DPEP2NB: variants seen among roughly 807,000 people sequenced by gnomAD.
DPEP2NB encodes DPEP2 neighbor.
For synonymous variants in DPEP2NB, 35 were observed against 55.3 expected (o/e 0.63, Z 1.63); for missense variants, 117 against 151.8 (o/e 0.77, Z 1.21).
intron 1 of DPEP2NB, 106 bp from the exon 2 acceptor site, chr16:68,014,518 C>G: frequency 1.4e-6 from 1 of 707,644 alleles, no homozygotes; most frequent in Non-Finnish European, 2.0e-6. Flanking sequence ...TTCTTCGCAT[C>G]CCAGACACAG....
chr16:68,014,547 A>G (rs968632541), intron 1 of DPEP2NB, 135 bp from the exon 2 acceptor site: 3 of 494,960 alleles, frequency 6.1e-6, no homozygotes, highest in Non-Finnish European at 9.5e-6. Flanking sequence ...TATCACCTCT[A>G]TGTGTCCCTG....
Position 68,014,002 on chromosome 16 carries a change from G to C in DPEP2NB, c.*106C>G. The stretch of plus-strand genomic sequence containing the variant: ...GGGCTTCTGGATGAGGAAGGCATAG[G>C]CAGAATGACTCAGGCTCTATCTGCA... On this transcript the variant is annotated 3_prime_UTR_variant, in exon 2 of 2. Transcript: ENST00000574912. The C allele has an allele frequency of 1.1e-6, 1 of 890,012 alleles. No individual in the cohort carries two copies. Among genetic ancestry groups the C allele is most frequent in the South Asian group, 5.9e-5 (1 of 16,812 alleles). The allele number at this position is 890,012 out of a possible 1,614,324, so 55.1% of individuals were successfully genotyped here.
Position 68,014,081 on chromosome 16 carries a change from A to G in DPEP2NB, c.*27T>C. On this transcript the variant is annotated 3_prime_UTR_variant, in exon 2 of 2. Transcript: ENST00000574912. ...GAGGCATTAGCTGTCTTAGACAGCTAAACATTTGTCCTTTCTCCCAAATGG... is the reference window on the plus strand; with the variant it reads ...GAGGCATTAGCTGTCTTAGACAGCTGAACATTTGTCCTTTCTCCCAAATGG... The G allele has an allele frequency of 8.9e-6, 11 of 1,231,462 alleles. No homozygotes were observed. Among genetic ancestry groups the G allele is most frequent in the Non-Finnish European group, 1.1e-5 (11 of 987,728 alleles). The allele number at this position is 1,231,462 out of a possible 1,614,324, so 76.3% of individuals were successfully genotyped here. A position where few individuals can be genotyped will look rare whatever the true frequency, so the allele number is the denominator to read the frequency against.
rs1362475797 is a variant in DPEP2NB at position 68,014,182 on chromosome 16, C to G, written c.298G>C (p.Gly100Arg). 8.1e-7 allele frequency: 1 copy of G among 1,231,574 alleles called. No individual in the cohort carries two copies. The highest frequency in any genetic ancestry group is 1.0e-6 in the Non-Finnish European group (1 of 987,986). 76.3% of individuals were successfully genotyped at this position (1,231,574 alleles called of 1,614,324 possible). A position where few individuals can be genotyped will look rare whatever the true frequency, so the allele number is the denominator to read the frequency against. Residue 100 changes from glycine to arginine, a missense_variant, in exon 2 of 2, where the codon GGT (glycine) becomes CGT (arginine). Coordinates refer to ENST00000574912, the MANE Select transcript of DPEP2NB (RefSeq NM_001282442.2). Reference sequence around the variant, plus strand: ...CGCCGAATTTTGGGGCTAGAGCAACCCAGGTCTTTATCTGACTCTATCGTA... The same window carrying G: ...CGCCGAATTTTGGGGCTAGAGCAACGCAGGTCTTTATCTGACTCTATCGTA... The part of the protein sequence containing the change: ...QATIESDKDL[G>R]CSSPKIRRLE...
rs2033151222 is a variant in DPEP2NB, at chr16:68,014,198, C to G, written c.282G>C (p.Glu94Asp). ...TAGAGCAACCCAGGTCTTTATCTGA[C>G]TCTATCGTAGCTTGACGTCTCTTGG... The part of the protein sequence containing the change: ...RAPKRRQATI[E>D]SDKDLGCSSP... Residue 94 changes from glutamate (E) to aspartate (D), a missense_variant, in exon 2 of 2, where the codon GAG (glutamate) becomes GAC (aspartate). Glu to Asp is a conservative substitution (Grantham distance 45). Transcript: ENST00000574912. 2.4e-6 allele frequency: 3 copies of G among 1,231,768 alleles called. No individual in the cohort carries two copies. Among genetic ancestry groups the G allele is most frequent in the Middle Eastern group, 6.2e-4 (2 of 3,210 alleles). 76.3% of individuals were successfully genotyped at this position (1,231,768 alleles called of 1,614,324 possible). A position where few individuals can be genotyped will look rare whatever the true frequency, so the allele number is the denominator to read the frequency against.
chr16:68,013,945 G>C lies in DPEP2NB; in HGVS notation c.*163C>G, dbSNP rs2033149416. Reference sequence around the variant, plus strand: ...CTCATTTTAAACCACAGTTTCTGAGGCTCCTTGGCCATGGGTAGTTAGCAT... The same window carrying C: ...CTCATTTTAAACCACAGTTTCTGAGCCTCCTTGGCCATGGGTAGTTAGCAT... On this transcript the variant is annotated 3_prime_UTR_variant, in exon 2 of 2. Coordinates refer to ENST00000574912, the MANE Select transcript of DPEP2NB (RefSeq NM_001282442.2). 2.0e-6 allele frequency: 1 copy of C among 489,508 alleles called. No individual in the cohort carries two copies. The highest frequency in any genetic ancestry group is 3.2e-6 in the Non-Finnish European group (1 of 310,308). The allele number at this position is 489,508 out of a possible 1,614,324, so 30.3% of individuals were successfully genotyped here. A position where few individuals can be genotyped will look rare whatever the true frequency, so the allele number is the denominator to read the frequency against.
In DPEP2NB at chr16:68,014,157, C is replaced by A; in HGVS notation, c.323G>T (p.Arg108Leu). The A allele has an allele frequency of 2.4e-6, 3 of 1,231,778 alleles. No homozygotes were observed. Among genetic ancestry groups the A allele is most frequent in the Non-Finnish European group, 3.0e-6 (3 of 987,992 alleles). The allele number at this position is 1,231,778 out of a possible 1,614,324, so 76.3% of individuals were successfully genotyped here. The change falls in exon 2 of 2, where the codon CGC (arginine) becomes CTC (leucine). Residue 108 changes from arginine (R) to leucine (L), a missense_variant. Arg to Leu is a moderately radical substitution (Grantham distance 102, BLOSUM62 -2). Transcript: ENST00000574912. The part of the protein sequence containing the change: ...DLGCSSPKIR[R>L]LEHRGRRLTP... ...CAGTCTCCTGCCACGATGCTCCAAG[C>A]GCCGAATTTTGGGGCTAGAGCAACC...
chr16:68,014,243 C>T lies in DPEP2NB; in HGVS notation c.237G>A (p.Lys79=). Residue 79 remains lysine, a synonymous_variant, in exon 2 of 2, where the codon AAG becomes AAA. Coordinates refer to ENST00000574912, the MANE Select transcript of DPEP2NB (RefSeq NM_001282442.2). ...LATPTKAEAE[K]PAPRRAPKRR... ...TCTTGGGAGCACGCCTGGGGGCTGGCTTCTCTGCTTCAGCCTTTGTTGGGG... is the reference window on the plus strand; with the variant it reads ...TCTTGGGAGCACGCCTGGGGGCTGGTTTCTCTGCTTCAGCCTTTGTTGGGG... The T allele has an allele frequency of 8.1e-7, 1 of 1,231,726 alleles. No homozygotes were observed. Among genetic ancestry groups the T allele is most frequent in the Non-Finnish European group, 1.0e-6 (1 of 988,002 alleles). The allele number at this position is 1,231,726 out of a possible 1,614,324, so 76.3% of individuals were successfully genotyped here. A position where few individuals can be genotyped will look rare whatever the true frequency, so the allele number is the denominator to read the frequency against.
intron 1 of DPEP2NB, 62 bp from the exon 2 acceptor site, chr16:68,014,474 T>A: frequency 2.7e-6 from 3 of 1,121,410 alleles, no homozygotes; most frequent in Non-Finnish European, 3.4e-6. Context: ...CAGCCTACCC[T>A]CTCTCGCGAC....
At position 68,014,075 on chromosome 16, in the gene DPEP2NB, A is replaced by G; in HGVS notation, c.*33T>C. 1.6e-6 allele frequency: 2 copies of G among 1,231,120 alleles called. No homozygotes were observed. The highest frequency in any genetic ancestry group is 2.0e-6 in the Non-Finnish European group (2 of 987,444). 76.3% of individuals were successfully genotyped at this position (1,231,120 alleles called of 1,614,324 possible). A position where few individuals can be genotyped will look rare whatever the true frequency, so the allele number is the denominator to read the frequency against. ...GCAGAAGAGGCATTAGCTGTCTTAGACAGCTAAACATTTGTCCTTTCTCCC... is the reference window on the plus strand; with the variant it reads ...GCAGAAGAGGCATTAGCTGTCTTAGGCAGCTAAACATTTGTCCTTTCTCCC... On this transcript the variant is annotated 3_prime_UTR_variant, in exon 2 of 2. Transcript: ENST00000574912.
At chr16:68,015,156 C>T (rs934455744) in intron 1 of DPEP2NB, among the ~76,000 whole-genome samples, 12 of 151,886 alleles carry the variant, frequency 7.9e-5, no homozygotes, top group Non-Finnish European at 1.5e-4. Context: ...CTTTGGGAGG[C>T]TGAGGTGGGC....
chr16:68,014,939 A>G (rs2151400849), intron 1 of DPEP2NB, among the ~76,000 whole-genome samples: 1 of 152,136 alleles, frequency 6.6e-6, no homozygotes, highest in African/African-American at 2.4e-5. Flanking sequence ...TGGGAGGCGG[A>G]GGTTGCAGTG....
chr16:68,014,112 C>G lies in DPEP2NB; in HGVS notation c.368G>C (p.Gly123Ala), dbSNP rs2033150659. 8.1e-7 allele frequency: 1 copy of G among 1,231,696 alleles called. No individual in the cohort carries two copies. Among genetic ancestry groups the G allele is most frequent in the African/African-American group, 1.6e-5 (1 of 64,426 alleles). 76.3% of individuals were successfully genotyped at this position (1,231,696 alleles called of 1,614,324 possible). A position where few individuals can be genotyped will look rare whatever the true frequency, so the allele number is the denominator to read the frequency against. The change falls in exon 2 of 2, where the codon GGC becomes GCC. Residue 123 changes from glycine (G) to alanine (A), a missense_variant. Gly to Ala is a moderately conservative substitution (Grantham distance 60). Transcript: ENST00000574912. ...TTGTCCTTTCTCCCAAATGGCTCAG[C>G]CAGCAAGCTTCTGTGGGGTCAGTCT... ...GRRLTPQKLA[G>A]
chr16:68,014,548 T>C (rs999172052), intron 1 of DPEP2NB, 136 bp from the exon 2 acceptor site: 17 of 491,792 alleles, frequency 3.5e-5, no homozygotes, highest in Admixed American at 8.8e-5. Context: ...ATCACCTCTA[T>C]GTGTCCCTGA....
rs911197708 is a variant in DPEP2NB at position 68,013,569 on chromosome 16, T to C, written c.*539A>G. ...TTGCTCAACTTCCTCCTTATTGTTC[T>C]TGCTGTAGGTGGCAGGTCTCCCCAG... is the stretch of plus-strand genomic sequence containing the variant. On this transcript the variant is annotated 3_prime_UTR_variant, in exon 2 of 2. Coordinates refer to ENST00000574912, the MANE Select transcript of DPEP2NB (RefSeq NM_001282442.2). 6.6e-6 allele frequency: 1 copy of C among 152,292 alleles called. No individual in the cohort carries two copies. Among genetic ancestry groups the C allele is most frequent in the African/African-American group, 2.4e-5 (1 of 41,430 alleles). The allele number at this position is 152,292 out of a possible 1,614,324, so 9.4% of individuals were successfully genotyped here.
chr16:68,014,312 G>A lies in DPEP2NB; in HGVS notation c.168C>T (p.Cys56=). Residue 56 remains cysteine (C), a synonymous_variant, in exon 2 of 2, where the codon TGC becomes TGT. Transcript: ENST00000574912. Reference sequence around the variant, plus strand: ...CATGGACCCGGTAGCCACCAACCAGGCAGTACGTCTCCCCATGCCAGCCTA... The same window carrying A: ...CATGGACCCGGTAGCCACCAACCAGACAGTACGTCTCCCCATGCCAGCCTA... ...TQVGWHGETY[C]LVGGYRVHGD... is the part of the protein sequence containing the mutation. The A allele has an allele frequency of 1.6e-6, 2 of 1,231,816 alleles. No homozygotes were observed. The highest frequency in any genetic ancestry group is 4.1e-5 in the South Asian group (1 of 24,320). The allele number at this position is 1,231,816 out of a possible 1,614,324, so 76.3% of individuals were successfully genotyped here. A position where few individuals can be genotyped will look rare whatever the true frequency, so the allele number is the denominator to read the frequency against.
At chr16:68,015,049 C>T (rs555518340) in intron 1 of DPEP2NB, among the ~76,000 whole-genome samples, 1 of 152,104 alleles carries the variant, frequency 6.6e-6, no homozygotes, top group East Asian at 1.9e-4. Flanking sequence ...TATTGTGCCA[C>T]TGCACTCCAG....
In DPEP2NB at chr16:68,015,701, T is replaced by C; in HGVS notation, c.67+3A>G. ...CCTGTATAGATGCCCCCTGTATGCC[T>C]ACCTGCTGCGCTGCCCTCCCAGGGG... On this transcript the variant is annotated splice_donor_region_variant and intron_variant, in intron 1 of 1. Transcript: ENST00000574912. 2.4e-6 allele frequency: 3 copies of C among 1,230,656 alleles called. No individual in the cohort carries two copies. Among genetic ancestry groups the C allele is most frequent in the Non-Finnish European group, 3.0e-6 (3 of 987,012 alleles). The allele number at this position is 1,230,656 out of a possible 1,614,324, so 76.2% of individuals were successfully genotyped here. A position where few individuals can be genotyped will look rare whatever the true frequency, so the allele number is the denominator to read the frequency against.
chr16:68,015,387 CA>C (rs1169099685), intron 1 of DPEP2NB, among the ~76,000 whole-genome samples: 3,539 of 23,592 alleles, frequency 0.15, 23 homozygotes, highest in Non-Finnish European at 0.17. Flanking sequence ...GAACCTGTCT[CA>C]AAAAAAAAAA....
Sources: allele counts gnomAD v4.1 joint callset (sites outside exome capture counted in the v4.1 genomes callset), GRCh38; gene constraint gnomAD v4.1.1; transcripts MANE v1.5; gene names NCBI Gene and HGNC (gene_info 2026-07-23, HGNC 2026-07-21).